PGM5: variants seen among roughly 807,000 people sequenced by gnomAD.
PGM5 encodes the protein phosphoglucomutase 5, also known as phosphoglucomutase-like protein 5.
In PGM5, 23 loss-of-function variants were observed where a neutral mutation model predicts 59.2. The observed-to-expected ratio is 0.39, with a 90% CI of 0.28 to 0.55. PGM5 has a LOEUF of 0.55. Ranked by LOEUF, PGM5 falls within the 20% of genes least tolerant of loss-of-function variation. The pLI, the probability that PGM5 is intolerant of heterozygous loss-of-function variation, is 0.66. For synonymous variants in PGM5, 214 were observed against 286.0 expected, an observed-to-expected ratio of 0.75 and a Z score of 2.54; for missense variants, 574 against 748.3, an observed-to-expected ratio of 0.77 and a Z score of 2.72.
At chr9:68,445,943 C>A (rs1445374450) in intron 6 of PGM5, among the ~76,000 whole-genome samples, 1 of 152,336 alleles carries the variant, frequency 6.6e-6, no homozygotes, top group East Asian at 1.9e-4. Flanking sequence ...GTGTTCCTTA[C>A]AGACATGTGG....
chr9:68,425,789 A>G (rs1404150261), intron 6 of PGM5, among the ~76,000 whole-genome samples: 1 of 152,194 alleles, frequency 6.6e-6, no homozygotes, highest in Admixed American at 6.5e-5. Flanking sequence ...TTAATGATGC[A>G]GAGTCTTGAC....
intron 1 of PGM5, among the ~76,000 whole-genome samples, chr9:68,365,767 T>A (rs1364687322): frequency 6.6e-6 from 1 of 152,156 alleles, no homozygotes; most frequent in Non-Finnish European, 1.5e-5. Context: ...CAATATGTAG[T>A]TTTACATTTA....
At chr9:68,434,438 A>C (rs1823412328) in intron 6 of PGM5, among the ~76,000 whole-genome samples, 2 of 152,058 alleles carry the variant, frequency 1.3e-5, no homozygotes, top group Non-Finnish European at 2.9e-5. Flanking sequence ...GGGTACTTTG[A>C]GGTCCACTCT....
chr9:68,372,520 A>G (rs1210301413), intron 1 of PGM5, among the ~76,000 whole-genome samples: 1 of 152,046 alleles, frequency 6.6e-6, no homozygotes, highest in Non-Finnish European at 1.5e-5. Flanking sequence ...TGCTGCTGGT[A>G]GAGTAGGCAC....
intron 8 of PGM5, among the ~76,000 whole-genome samples, chr9:68,483,082 C>G (rs1824224908): frequency 2.0e-5 from 3 of 152,172 alleles, no homozygotes; most frequent in Admixed American, 1.3e-4. Context: ...TTCTCTCTTT[C>G]CTTCCTTCCT....
intron 9 of PGM5, among the ~76,000 whole-genome samples, chr9:68,490,484 A>G (rs1824373110): frequency 6.6e-6 from 1 of 152,190 alleles, no homozygotes; most frequent in Admixed American, 6.5e-5. Context: ...CCCCCCGAGT[A>G]GCTGGGATTA....
At chr9:68,499,012 C>A (rs1455383111) in intron 9 of PGM5, 8 of 541,034 alleles carry the variant, frequency 1.5e-5, no homozygotes, top group Non-Finnish European at 2.6e-5. Context: ...CCACATTAAC[C>A]ACAAAGCAAC....
At chr9:68,475,184 A>ATTTTTTTTTTTTTTTTT (rs782687667) in intron 7 of PGM5, among the ~76,000 whole-genome samples, 21 of 112,764 alleles carry the variant, frequency 1.9e-4, no homozygotes, top group East Asian at 3.0e-4. Flanking sequence ...TGCCTGGCTA[A>ATTTTTTTTTTTTTTTTT]TTTTTTTTTT....
At chr9:68,457,925 G>C (rs527900063) in intron 6 of PGM5, among the ~76,000 whole-genome samples, 2 of 152,198 alleles carry the variant, frequency 1.3e-5, no homozygotes, top group Admixed American at 6.5e-5. Flanking sequence ...TCTCATGGAA[G>C]CCTGAAGGAT....
Position 68,406,660 on chromosome 9 carries a change from GTA to G in PGM5, c.1043+14203_1043+14204del, listed in dbSNP as rs1305648432. On this transcript the variant is annotated intron_variant, in intron 6 of 10. Coordinates refer to ENST00000396396, the MANE Select transcript of PGM5 (RefSeq NM_021965.4). Reference sequence around the variant, plus strand: ...GGTCTTGTACTGAGGATTAAATTAGGTATATATATATATATATGTATATATAT... The same window carrying G: ...GGTCTTGTACTGAGGATTAAATTAGGTATATATATATATATGTATATATAT... 2.9e-3 allele frequency among the ~76,000 whole-genome samples: 166 copies of G among 57,636 alleles called. 24 individuals are homozygous for G. The highest frequency in any genetic ancestry group is 6.5e-3 in the East Asian group (13 of 2,012). 37.8% of individuals were successfully genotyped at this position (57,636 alleles called of 152,430 possible).
At chr9:68,375,099 T>A (rs1554677472) in intron 1 of PGM5, among the ~76,000 whole-genome samples, 2 of 152,202 alleles carry the variant, frequency 1.3e-5, no homozygotes, top group Non-Finnish European at 2.9e-5. Context: ...CCTTGCTCCC[T>A]CTTCACAGGG....
At chr9:68,431,149 C>T (rs1823339723) in intron 6 of PGM5, among the ~76,000 whole-genome samples, 1 of 152,220 alleles carries the variant, frequency 6.6e-6, no homozygotes, top group South Asian at 2.1e-4. Context: ...ATTCAATTTA[C>T]AGATCCTAGC....
intron 5 of PGM5, among the ~76,000 whole-genome samples, chr9:68,392,115 G>C (rs1401921994): frequency 6.6e-6 from 1 of 152,136 alleles, no homozygotes; most frequent in African/African-American, 2.4e-5. Flanking sequence ...CATTTCAACA[G>C]GTGGAACATA....
intron 6 of PGM5, among the ~76,000 whole-genome samples, 162 bp downstream of exon 6, chr9:68,392,635 G>C (rs1554679617): frequency 1.3e-5 from 2 of 152,124 alleles, no homozygotes; most frequent in African/African-American, 2.4e-5. Flanking sequence ...GAATCAGGTG[G>C]CCTGAGCTTA....
chr9:68,517,863 TA>T (rs1457524679), intron 10 of PGM5, among the ~76,000 whole-genome samples: 1 of 152,174 alleles, frequency 6.6e-6, no homozygotes, highest in Non-Finnish European at 1.5e-5. Context: ...AATGACCTAA[TA>T]AAACAGTAAC....
At chr9:68,520,505 T>C (rs887930943) in intron 10 of PGM5, among the ~76,000 whole-genome samples, 4 of 152,200 alleles carry the variant, frequency 2.6e-5, no homozygotes, top group African/African-American at 9.7e-5. Flanking sequence ...TAGGCACATA[T>C]AGATATTACA....
chr9:68,410,279 G>A (rs1554681516), intron 6 of PGM5, among the ~76,000 whole-genome samples: 2 of 152,192 alleles, frequency 1.3e-5, no homozygotes, highest in Admixed American at 1.3e-4. Context: ...GGGAAGTTGT[G>A]AAATGGGAGT....
At chr9:68,363,355 CTTAATT>C (rs1554676409) in intron 1 of PGM5, among the ~76,000 whole-genome samples, 2 of 152,300 alleles carry the variant, frequency 1.3e-5, no homozygotes, top group African/African-American at 2.4e-5. Flanking sequence ...TTGCATTTTA[CTTAATT>C]TTAATTAATT....
intron 6 of PGM5, among the ~76,000 whole-genome samples, chr9:68,461,337 A>G (rs1267676118): frequency 1.3e-5 from 2 of 152,204 alleles, no homozygotes; most frequent in South Asian, 4.1e-4. Context: ...GCTAGAACTC[A>G]GTCACATGGC....
Sources: allele counts gnomAD v4.1 joint callset (sites outside exome capture counted in the v4.1 genomes callset), GRCh38; gene constraint gnomAD v4.1.1; transcripts MANE v1.5; gene names NCBI Gene and HGNC (gene_info 2026-07-23, HGNC 2026-07-21).